The following ZCCHC24 variants were observed in gnomAD, a reference collection of about 807,000 sequenced individuals.
ZCCHC24 encodes the protein zinc finger CCHC domain-containing protein 24.
In ZCCHC24, 10 loss-of-function variants were observed where a neutral mutation model predicts 26.2. The observed-to-expected ratio is 0.38, with a 90% CI of 0.24 to 0.65. ZCCHC24 has a LOEUF of 0.65. ZCCHC24 is among the 30% of genes least tolerant of loss of function. The pLI, the probability that ZCCHC24 is intolerant of heterozygous loss-of-function variation, is 0.54. For synonymous variants in ZCCHC24, 144 were observed against 147.1 expected, an observed-to-expected ratio of 0.98 and a Z score of 0.15; for missense variants, 243 against 329.1, an observed-to-expected ratio of 0.74 and a Z score of 2.03.
At chr10:79,398,525 C>A (rs758202619) in intron 2 of ZCCHC24, among the ~76,000 whole-genome samples, 18 of 152,052 alleles carry the variant, frequency 1.2e-4, no homozygotes, top group Non-Finnish European at 2.5e-4. Flanking sequence ...GGGCTGAGGT[C>A]CACAGGCATT....
Position 79,422,091 on chromosome 10 carries a change from T to G in ZCCHC24, c.447+10467A>C, listed in dbSNP as rs189949095. Among the ~76,000 whole-genome samples the G allele has an allele frequency of 4.7e-3, 714 of 152,110 alleles. 3 individuals are homozygous for G. The highest frequency in any genetic ancestry group is 0.016 in the African/African-American group (685 of 41,560). On this transcript the variant is annotated intron_variant, in intron 2 of 3. Transcript: ENST00000372336. ...TGCTCCCTAACATGTGAGGTGGATA[T>G]GTGTGAGGCTACCCTGGTGGGAAGA... is the stretch of plus-strand genomic sequence containing the variant.
At chr10:79,415,153 C>A (rs767460824) in intron 2 of ZCCHC24, among the ~76,000 whole-genome samples, 1 of 152,176 alleles carries the variant, frequency 6.6e-6, no homozygotes. Context: ...CAGCCCCTCC[C>A]GTCCTCCCAT....
Position 79,437,772 on chromosome 10 carries a change from A to C in ZCCHC24, c.247-5014T>G, listed in dbSNP as rs559394753. 2.6e-5 allele frequency among the ~76,000 whole-genome samples: 4 copies of C among 152,286 alleles called. No homozygotes were observed. In the East Asian group the frequency reaches 5.8e-4, roughly 22 times the overall value. The stretch of plus-strand genomic sequence containing the variant: ...CAGAATACGGGGTGCAGAGACAGAG[A>C]TTTCCAAGGCTGACTCCAGTTCTCC... On this transcript the variant is annotated intron_variant, in intron 1 of 3. Transcript: ENST00000372336.
At chr10:79,434,204 C>T (rs1360024804) in intron 1 of ZCCHC24, among the ~76,000 whole-genome samples, 1 of 152,178 alleles carries the variant, frequency 6.6e-6, no homozygotes, top group Non-Finnish European at 1.5e-5. Context: ...CAGGCCAGCC[C>T]AGCACACAGT....
intron 2 of ZCCHC24, among the ~76,000 whole-genome samples, chr10:79,407,444 C>T (rs569373513): frequency 7.2e-5 from 11 of 152,352 alleles, no homozygotes; most frequent in East Asian, 1.9e-4. Context: ...TCTTCGCTCA[C>T]GAGAGCACGC....
chr10:79,413,998 C>T (rs893449059), intron 2 of ZCCHC24, among the ~76,000 whole-genome samples: 1 of 152,232 alleles, frequency 6.6e-6, no homozygotes, highest in Admixed American at 6.5e-5. Context: ...TCCTCTACAG[C>T]CAGTGTTGGA....
intron 2 of ZCCHC24, among the ~76,000 whole-genome samples, chr10:79,431,816 A>G (rs1857134351): frequency 6.6e-6 from 1 of 152,236 alleles, no homozygotes; most frequent in Admixed American, 6.5e-5. Context: ...TAGGAAAAAA[A>G]ATCACTGATA....
chr10:79,396,695 A>T (rs1197657609), intron 2 of ZCCHC24, among the ~76,000 whole-genome samples: 1 of 152,236 alleles, frequency 6.6e-6, no homozygotes, highest in African/African-American at 2.4e-5. Context: ...CAAGAGCCCC[A>T]GAGAATTCAT....
intron 1 of ZCCHC24, among the ~76,000 whole-genome samples, chr10:79,444,777 C>G (rs1048823619): frequency 9.2e-5 from 14 of 152,220 alleles, no homozygotes; most frequent in African/African-American, 3.4e-4. Context: ...ACTCTCGGTC[C>G]CAGCCCGCGG....
intron 2 of ZCCHC24, among the ~76,000 whole-genome samples, chr10:79,427,500 C>T (rs1857047535): frequency 6.6e-6 from 1 of 151,712 alleles, no homozygotes; most frequent in South Asian, 2.1e-4. Context: ...CTTCTATGAC[C>T]ACAATGGAAT....
intron 3 of ZCCHC24, among the ~76,000 whole-genome samples, chr10:79,393,842 G>GTGA: frequency 6.6e-6 from 1 of 152,048 alleles, no homozygotes; most frequent in Non-Finnish European, 1.5e-5. Flanking sequence ...CCCCAAGTCA[G>GTGA]CATCAGCTCC....
chr10:79,387,635 G>GTCA (rs1235506147), intron 3 of ZCCHC24, among the ~76,000 whole-genome samples: 1 of 60,750 alleles, frequency 1.6e-5, no homozygotes, highest in Non-Finnish European at 3.5e-5. Flanking sequence ...CAGGAGAGGG[G>GTCA]GCAGAACCTG....
chr10:79,384,648 T>A lies in ZCCHC24; in HGVS notation c.*1697A>T, dbSNP rs72818290. The A allele has an allele frequency of 0.029, 4,428 of 152,726 alleles. 96 individuals are homozygous for A. Among genetic ancestry groups the A allele is most frequent in the Admixed American group, 0.049 (744 of 15,278 alleles). 9.5% of individuals were successfully genotyped at this position (152,726 alleles called of 1,614,324 possible). ...CACCCTGCAGCTCCCTGGCTGCAAA[T>A]ACACTCACTCCATCTTTTCAACTCG... On this transcript the variant is annotated 3_prime_UTR_variant, in exon 4 of 4. Transcript: ENST00000372336.
At chr10:79,401,777 C>G (rs545255333) in intron 2 of ZCCHC24, among the ~76,000 whole-genome samples, 51 of 152,270 alleles carry the variant, frequency 3.3e-4, no homozygotes, top group Middle Eastern at 3.4e-3. Context: ...AGCACAAGGC[C>G]GACCCCACCG....
chr10:79,414,392 G>A (rs1005414433), intron 2 of ZCCHC24, among the ~76,000 whole-genome samples: 2 of 152,170 alleles, frequency 1.3e-5, no homozygotes, highest in Non-Finnish European at 2.9e-5. Flanking sequence ...CGTACTTGAG[G>A]TATACAGAAT....
intron 2 of ZCCHC24, among the ~76,000 whole-genome samples, chr10:79,419,810 TGGTCC>T (rs1856914049): frequency 6.6e-6 from 1 of 152,122 alleles, no homozygotes; most frequent in African/African-American, 2.4e-5. Flanking sequence ...AGACCAGGAC[TGGTCC>T]TGGCTCCTAG....
chr10:79,420,862 T>C (rs1017184888), intron 2 of ZCCHC24, among the ~76,000 whole-genome samples: 2 of 152,198 alleles, frequency 1.3e-5, no homozygotes. Context: ...GGCACTGTTA[T>C]AAACACTTCA....
chr10:79,406,410 G>A (rs753755974), intron 2 of ZCCHC24, among the ~76,000 whole-genome samples: 1 of 152,118 alleles, frequency 6.6e-6, no homozygotes, highest in Non-Finnish European at 1.5e-5. Context: ...CAGGGGGGTC[G>A]CAGGGAGGAA....
At chr10:79,444,210 A>G (rs1366593907) in intron 1 of ZCCHC24, 1 of 1,506,126 alleles carries the variant, frequency 6.6e-7, no homozygotes, top group Non-Finnish European at 8.9e-7. Context: ...AGTGAAGGCC[A>G]CAGATGGGTG....
Sources: allele counts gnomAD v4.1 joint callset (sites outside exome capture counted in the v4.1 genomes callset), GRCh38; gene constraint gnomAD v4.1.1; transcripts MANE v1.5; gene names NCBI Gene and HGNC (gene_info 2026-07-23, HGNC 2026-07-21).